Variants in JPH3 observed in about 807,000 individuals in gnomAD.
JPH3 encodes junctophilin 3.
A neutral mutation model predicts 59.6 loss-of-function variants in JPH3; 11 were observed. The observed-to-expected ratio is 0.18, with a 90% CI of 0.12 to 0.31. JPH3 has a LOEUF of 0.31. JPH3 is among the 10% of genes least tolerant of loss of function. The pLI is 1.00. For synonymous variants in JPH3, 673 were observed against 483.6 expected (o/e 1.39, Z -5.14); for missense variants, 1,202 against 1,105.7 (o/e 1.09, Z -1.24).
At chr16:87,674,464 T>C (rs1023139133) in intron 2 of JPH3, among the ~76,000 whole-genome samples, 3 of 152,162 alleles carry the variant, frequency 2.0e-5, no homozygotes, top group African/African-American at 7.2e-5. Context: ...TGTGCAGACA[T>C]GAAAAACAAG....
chr16:87,672,040 G>A (rs757502640), intron 2 of JPH3, among the ~76,000 whole-genome samples: 1 of 152,166 alleles, frequency 6.6e-6, no homozygotes, highest in African/African-American at 2.4e-5. Flanking sequence ...GGCTGGGCAG[G>A]TGGAGATGCG....
chr16:87,639,665 C>A (rs1272565047), intron 1 of JPH3, among the ~76,000 whole-genome samples: 2 of 82,658 alleles, frequency 2.4e-5, no homozygotes, highest in Admixed American at 2.4e-4. Flanking sequence ...CCTGTCCTCC[C>A]TCCTGTCCTC....
chr16:87,648,320 C>G (rs918383512), intron 2 of JPH3, among the ~76,000 whole-genome samples: 10 of 152,152 alleles, frequency 6.6e-5, no homozygotes, highest in African/African-American at 2.4e-4. Context: ...GCTCAGGCGC[C>G]CACAGCCCCA....
intron 2 of JPH3, among the ~76,000 whole-genome samples, chr16:87,656,728 C>T (rs778404572): frequency 3.9e-5 from 6 of 152,166 alleles, no homozygotes; most frequent in African/African-American, 7.2e-5. Context: ...GGCATGTGCT[C>T]GTCTCTCTCC....
At chr16:87,668,014 A>T (rs1438187310) in intron 2 of JPH3, among the ~76,000 whole-genome samples, 2 of 152,102 alleles carry the variant, frequency 1.3e-5, no homozygotes, top group Non-Finnish European at 2.9e-5. Flanking sequence ...TGGCTTCAGA[A>T]ACTTATCTTC....
intron 1 of JPH3, among the ~76,000 whole-genome samples, chr16:87,636,467 G>A (rs540556293): frequency 1.4e-4 from 22 of 152,280 alleles, no homozygotes; most frequent in Non-Finnish European, 2.9e-4. Flanking sequence ...TTGAGCAACC[G>A]AGGGAGCGAG....
chr16:87,681,547 G>A (rs1359954875), intron 2 of JPH3, among the ~76,000 whole-genome samples: 1 of 134,736 alleles, frequency 7.4e-6, no homozygotes, highest in Non-Finnish European at 1.6e-5. Context: ...TGACAGTGCC[G>A]GGAGGTCAGG....
intron 1 of JPH3, among the ~76,000 whole-genome samples, chr16:87,616,197 T>TGTGTGG (rs1363415408): frequency 1.1e-5 from 1 of 90,422 alleles, no homozygotes; most frequent in Non-Finnish European, 2.9e-5. Flanking sequence ...GTTTTGTGTG[T>TGTGTGG]GTGTGTGTGT....
intron 2 of JPH3, among the ~76,000 whole-genome samples, chr16:87,653,198 G>C (rs2032382932): frequency 6.6e-6 from 1 of 152,220 alleles, no homozygotes; most frequent in African/African-American, 2.4e-5. Context: ...GAACAGTGTG[G>C]CTCTGGGGGT....
intron 1 of JPH3, among the ~76,000 whole-genome samples, chr16:87,607,638 G>A (rs1021109226): frequency 2.6e-5 from 4 of 152,332 alleles, no homozygotes; most frequent in South Asian, 4.1e-4. Context: ...TTAAACACAC[G>A]TTTATGCTGT....
At chr16:87,648,528 C>A (rs554581968) in intron 2 of JPH3, among the ~76,000 whole-genome samples, 4 of 152,180 alleles carry the variant, frequency 2.6e-5, no homozygotes, top group Admixed American at 6.5e-5. Flanking sequence ...GTGTCCTCCG[C>A]GGAGTGCCGG....
intron 2 of JPH3, among the ~76,000 whole-genome samples, chr16:87,663,800 C>G (rs1473006943): frequency 6.6e-6 from 1 of 152,226 alleles, no homozygotes; most frequent in African/African-American, 2.4e-5. Context: ...TAATGTGTCT[C>G]TGAACCCCTT....
chr16:87,605,994 G>C (rs1384694890), intron 1 of JPH3, among the ~76,000 whole-genome samples: 9 of 152,170 alleles, frequency 5.9e-5, no homozygotes, highest in African/African-American at 1.9e-4. Flanking sequence ...TTGAGGACTC[G>C]GGCCTGGACA....
intron 1 of JPH3, among the ~76,000 whole-genome samples, chr16:87,616,223 TG>T (rs1567583295): frequency 2.4e-4 from 35 of 146,158 alleles, no homozygotes; most frequent in East Asian, 1.8e-3. Context: ...TGTGTGTGTG[TG>T]TGTGTGTGTG....
intron 2 of JPH3, among the ~76,000 whole-genome samples, chr16:87,661,418 T>G (rs1329821882): frequency 6.6e-6 from 1 of 152,266 alleles, no homozygotes; most frequent in Admixed American, 6.5e-5. Flanking sequence ...CGCTCTCCTC[T>G]GGGCCTGCCC....
intron 2 of JPH3, among the ~76,000 whole-genome samples, chr16:87,670,507 G>C (rs977422042): frequency 6.6e-6 from 1 of 152,212 alleles, no homozygotes; most frequent in African/African-American, 2.4e-5. Flanking sequence ...CCCTGTGAGC[G>C]GCCTGTCCCT....
intron 1 of JPH3, among the ~76,000 whole-genome samples, chr16:87,624,560 A>C (rs939035453): frequency 5.3e-5 from 8 of 152,326 alleles, no homozygotes; most frequent in Non-Finnish European, 1.0e-4. Context: ...ACCACTCAGG[A>C]TGGCTCATGG....
intron 2 of JPH3, among the ~76,000 whole-genome samples, chr16:87,682,594 C>T (rs1408429900): frequency 6.6e-6 from 1 of 152,190 alleles, no homozygotes; most frequent in African/African-American, 2.4e-5. Context: ...CTGCAGACAC[C>T]AAATCTGCTG....
intron 2 of JPH3, among the ~76,000 whole-genome samples, chr16:87,661,848 A>G (rs1486019112): frequency 1.3e-5 from 2 of 152,192 alleles, no homozygotes; most frequent in Non-Finnish European, 2.9e-5. Flanking sequence ...CCAATTACGA[A>G]GCCAGGGCCT....
Sources: allele counts gnomAD v4.1 joint callset (sites outside exome capture counted in the v4.1 genomes callset), GRCh38; gene constraint gnomAD v4.1.1; transcripts MANE v1.5; gene names NCBI Gene and HGNC (gene_info 2026-07-23, HGNC 2026-07-21).